Variants in COL5A2 observed in about 807,000 individuals in gnomAD.
The protein encoded by COL5A2 is collagen type V alpha 2 chain.
In COL5A2, 23 loss-of-function variants were observed where a neutral mutation model predicts 208.2. That is an observed-to-expected ratio of 0.11 (90% CI 0.08 to 0.16). The LOEUF (loss-of-function observed/expected upper bound fraction) is 0.16, where lower values mean the gene tolerates loss of function less well. Ranked by LOEUF, COL5A2 falls within the 10% of genes least tolerant of loss-of-function variation. The pLI is 1.00. For missense variants in COL5A2, 1,590 were observed against 1,956.4 expected, an observed-to-expected ratio of 0.81 and a Z score of 3.53; for synonymous variants, 625 against 628.5, an observed-to-expected ratio of 0.99 and a Z score of 0.08.
At chr2:189,424,053 A>T in the COL5A2 span, among the ~76,000 whole-genome samples, 1 of 152,184 alleles carries the variant, frequency 6.6e-6, no homozygotes, top group Non-Finnish European at 1.5e-5. Flanking sequence ...AACATATGCA[A>T]ATCAATAAAT....
chr2:189,249,980 G>A, the COL5A2 span, among the ~76,000 whole-genome samples: 2 of 152,224 alleles, frequency 1.3e-5, no homozygotes, highest in Non-Finnish European at 2.9e-5. Flanking sequence ...TCATAGGCGT[G>A]AGCCACTGTG....
At chr2:189,198,915 C>A (rs1463741469) in intron 1 of COL5A2, among the ~76,000 whole-genome samples, 1 of 152,138 alleles carries the variant, frequency 6.6e-6, no homozygotes, top group African/African-American at 2.4e-5. Flanking sequence ...TATTTTCAGA[C>A]TAATTCTACT....
At chr2:189,072,136 T>G in intron 17 of COL5A2, 43 bp from the exon 18 acceptor site, 1 of 1,372,036 alleles carries the variant, frequency 7.3e-7, no homozygotes, top group East Asian at 2.3e-5. Flanking sequence ...TGTATTCAAT[T>G]AGTATCTAAT....
chr2:189,356,655 A>G, the COL5A2 span, among the ~76,000 whole-genome samples: 86,779 of 152,006 alleles, frequency 0.57, 26,442 homozygotes, highest in East Asian at 0.72. Context: ...CAAAGTTCTT[A>G]GCTTCCTTGC....
chr2:189,319,098 T>C, the COL5A2 span, among the ~76,000 whole-genome samples: 1 of 152,330 alleles, frequency 6.6e-6, no homozygotes, highest in East Asian at 1.9e-4. Context: ...GTTACTGATT[T>C]TATATTAAAA....
At chr2:189,258,812 G>A in the COL5A2 span, among the ~76,000 whole-genome samples, 1 of 152,086 alleles carries the variant, frequency 6.6e-6, no homozygotes, top group East Asian at 1.9e-4. Flanking sequence ...AAGAACATGG[G>A]GCCAGGAGAA....
intron 23 of COL5A2, 28 bp from the exon 24 acceptor site, chr2:189,065,085 A>T (rs1553515528): frequency 6.2e-7 from 1 of 1,608,158 alleles, no homozygotes; most frequent in Non-Finnish European, 8.5e-7. Flanking sequence ...GTGATTCTTA[A>T]TTGTTGTTGA....
chr2:189,385,035 T>A, the COL5A2 span, among the ~76,000 whole-genome samples: 1 of 152,162 alleles, frequency 6.6e-6, no homozygotes, highest in Non-Finnish European at 1.5e-5. Flanking sequence ...ATTAATAGCA[T>A]TTTTTACTCA....
chr2:189,288,766 A>G, the COL5A2 span, among the ~76,000 whole-genome samples: 1 of 152,198 alleles, frequency 6.6e-6, no homozygotes, highest in East Asian at 1.9e-4. Context: ...AAAAGAAAAG[A>G]AAATTACAGG....
At chr2:189,100,235 G>T in intron 3 of COL5A2, 96 bp from the exon 4 acceptor site, 1 of 934,196 alleles carries the variant, frequency 1.1e-6, no homozygotes, top group Non-Finnish European at 1.7e-6. Flanking sequence ...TGTAAACACA[G>T]GGAATTTCTA....
chr2:189,309,249 T>C, the COL5A2 span, among the ~76,000 whole-genome samples: 3 of 152,206 alleles, frequency 2.0e-5, no homozygotes, highest in South Asian at 4.1e-4. Flanking sequence ...TCCCAATAAA[T>C]AGAAAAACCT....
At chr2:189,352,376 C>T in the COL5A2 span, among the ~76,000 whole-genome samples, 1 of 151,588 alleles carries the variant, frequency 6.6e-6, no homozygotes, top group African/African-American at 2.4e-5. Context: ...GGAATTGCCA[C>T]ACTGTCTTCC....
At chr2:189,103,703 G>A (rs1687094722) in intron 3 of COL5A2, among the ~76,000 whole-genome samples, 1 of 152,044 alleles carries the variant, frequency 6.6e-6, no homozygotes, top group Non-Finnish European at 1.5e-5. Flanking sequence ...CTTGTGTCCA[G>A]AATTAGATTT....
the COL5A2 span, among the ~76,000 whole-genome samples, chr2:189,256,869 C>T: frequency 6.6e-6 from 1 of 152,188 alleles, no homozygotes; most frequent in Non-Finnish European, 1.5e-5. Context: ...ACCTCATGAC[C>T]TGCCTGCCTC....
intron 1 of COL5A2, among the ~76,000 whole-genome samples, chr2:189,206,343 A>T (rs891362035): frequency 2.0e-5 from 3 of 152,204 alleles, no homozygotes; most frequent in Non-Finnish European, 2.9e-5. Flanking sequence ...TGCTGTCTTT[A>T]TCTGTTATGA....
At chr2:189,054,887 ATT>A (rs60485002) in intron 35 of COL5A2, among the ~76,000 whole-genome samples, 10 of 140,870 alleles carry the variant, frequency 7.1e-5, no homozygotes, top group Non-Finnish European at 9.3e-5. Context: ...AGTTTTCTTC[ATT>A]TTTTTTTTTT....
the COL5A2 span, among the ~76,000 whole-genome samples, chr2:189,419,228 T>C: frequency 6.6e-6 from 1 of 152,216 alleles, no homozygotes. Context: ...TTCTGCTATC[T>C]AGAATTTATC....
At chr2:189,096,633 A>AAAAG (rs1371072809) in intron 6 of COL5A2, among the ~76,000 whole-genome samples, 14 of 151,696 alleles carry the variant, frequency 9.2e-5, no homozygotes, top group Non-Finnish European at 1.0e-4. Context: ...AAAAAAAAAA[A>AAAAG]AAAAAGAAAA....
chr2:189,273,185 T>C, the COL5A2 span, among the ~76,000 whole-genome samples: 5 of 152,174 alleles, frequency 3.3e-5, no homozygotes, highest in Admixed American at 1.3e-4. Flanking sequence ...GTTTTGAATG[T>C]GTGAGATCTG....
Sources: allele counts gnomAD v4.1 joint callset (sites outside exome capture counted in the v4.1 genomes callset), GRCh38; gene constraint gnomAD v4.1.1; transcripts MANE v1.5; gene names NCBI Gene and HGNC (gene_info 2026-07-23, HGNC 2026-07-21).